RBFOX1: variants seen among roughly 807,000 people sequenced by gnomAD.
The protein encoded by RBFOX1 is RNA binding protein fox-1 homolog 1.
A neutral mutation model predicts 57.7 loss-of-function variants in RBFOX1; 8 were observed. The observed-to-expected ratio is 0.14, with a 90% CI of 0.08 to 0.25. The LOEUF (loss-of-function observed/expected upper bound fraction) is 0.25, where lower values mean the gene tolerates loss of function less well. Among genes scored for constraint, RBFOX1 ranks in the 10% least tolerant of loss-of-function variants. The pLI, the probability that RBFOX1 is intolerant of heterozygous loss-of-function variation, is 1.00. For missense variants in RBFOX1, 611 were observed against 548.5 expected (o/e 1.11, Z -1.14); for synonymous variants, 326 against 222.4 (o/e 1.47, Z -4.15).
chr16:7,457,432 G>GA (rs1198790577), intron 4 of RBFOX1, among the ~76,000 whole-genome samples: 3 of 152,180 alleles, frequency 2.0e-5, no homozygotes, highest in Non-Finnish European at 4.4e-5. Context: ...TGCGTGGATT[G>GA]AAAATCACAC....
chr16:5,644,375 C>T (rs1483963619), intron 3 of RBFOX1, among the ~76,000 whole-genome samples: 1 of 152,116 alleles, frequency 6.6e-6, no homozygotes, highest in Non-Finnish European at 1.5e-5. Context: ...GTGATTTTGG[C>T]CATTGTGCAA....
rs557675852 is a variant in RBFOX1 at position 5,811,460 on chromosome 16, T to G, written c.319-55843T>G. Among the ~76,000 whole-genome samples, 21 of 151,440 alleles carry G rather than the reference T, an allele frequency of 1.4e-4. No homozygotes were observed. In the South Asian group the frequency reaches 4.4e-3, roughly 32 times the overall value. The stretch of plus-strand genomic sequence containing the variant: ...ACCCAGCTGGAACAAAGTATTTTTT[T>G]TTTTTTTTTAAGATGGAATCTCATT... On this transcript the variant is annotated intron_variant, in intron 3 of 19. Coordinates refer to the RBFOX1 transcript ENST00000641259.
intron 3 of RBFOX1, among the ~76,000 whole-genome samples, chr16:6,980,305 T>G (rs571521457): frequency 1.3e-5 from 2 of 152,342 alleles, no homozygotes; most frequent in Admixed American, 6.5e-5. Context: ...CAATAGTTCT[T>G]CCGTTAAATA....
intron 3 of RBFOX1, among the ~76,000 whole-genome samples, chr16:5,637,545 A>C (rs1181457583): frequency 1.3e-5 from 2 of 152,246 alleles, no homozygotes; most frequent in Non-Finnish European, 2.9e-5. Flanking sequence ...TTGAACACCT[A>C]GTGTATCCTC....
At chr16:6,558,862 T>G (rs1158572319) in intron 2 of RBFOX1, among the ~76,000 whole-genome samples, 1 of 136,676 alleles carries the variant, frequency 7.3e-6, no homozygotes, top group Non-Finnish European at 1.5e-5. Flanking sequence ...ACCCAGCTCC[T>G]CCTGAGTGGG....
chr16:6,090,602 T>G (rs2096157123), intron 1 of RBFOX1, among the ~76,000 whole-genome samples: 2 of 152,230 alleles, frequency 1.3e-5, no homozygotes, highest in South Asian at 4.1e-4. Context: ...TCAATGAGTT[T>G]TGTTTCACAA....
intron 4 of RBFOX1, among the ~76,000 whole-genome samples, chr16:7,237,856 T>G (rs568643429): frequency 6.6e-6 from 1 of 152,206 alleles, no homozygotes; most frequent in African/African-American, 2.4e-5. Context: ...ATAGAAAAAT[T>G]AGCTGGACAT....
At chr16:6,117,879 C>A (rs565516684) in intron 1 of RBFOX1, among the ~76,000 whole-genome samples, 1 of 152,132 alleles carries the variant, frequency 6.6e-6, no homozygotes, top group Non-Finnish European at 1.5e-5. Context: ...AGTTTCCTTC[C>A]CACCACCATG....
chr16:6,238,090 CAA>C (rs368995420), intron 1 of RBFOX1, among the ~76,000 whole-genome samples: 7 of 66,056 alleles, frequency 1.1e-4, no homozygotes, highest in Admixed American at 3.1e-4. Context: ...GACTCTGTCT[CAA>C]AAAAAAAAAA....
chr16:5,913,074 C>T (rs940110605), intron 4 of RBFOX1, among the ~76,000 whole-genome samples: 3 of 152,318 alleles, frequency 2.0e-5, no homozygotes, highest in Non-Finnish European at 2.9e-5. Context: ...AGTCCCTTGA[C>T]ATTTCCAAGC....
chr16:5,841,785 C>G (rs993926466), intron 3 of RBFOX1, among the ~76,000 whole-genome samples: 2 of 152,194 alleles, frequency 1.3e-5, no homozygotes, highest in African/African-American at 4.8e-5. Context: ...GCCCAGTTCT[C>G]ATTTCAGCAT....
At chr16:6,792,048 C>T (rs115786398) in intron 3 of RBFOX1, among the ~76,000 whole-genome samples, 1,524 of 152,124 alleles carry the variant, frequency 0.01, 31 homozygotes, top group African/African-American at 0.035. Context: ...CCCTGAATTG[C>T]GTTTCACGAA....
At chr16:7,596,099 T>G (rs1208447656) in intron 8 of RBFOX1, among the ~76,000 whole-genome samples, 11 of 140,206 alleles carry the variant, frequency 7.8e-5, no homozygotes, top group African/African-American at 3.1e-4. Flanking sequence ...TGTTTGTTTT[T>G]TTTTGTTTGT....
At chr16:5,379,002 C>T (rs555623979) in intron 1 of RBFOX1, among the ~76,000 whole-genome samples, 6 of 151,632 alleles carry the variant, frequency 4.0e-5, no homozygotes, top group African/African-American at 1.5e-4. Flanking sequence ...GGGCTCAGGA[C>T]CCCTCACAGT....
intron 4 of RBFOX1, among the ~76,000 whole-genome samples, chr16:5,974,163 G>A (rs1033268770): frequency 1.3e-5 from 2 of 152,114 alleles, no homozygotes; most frequent in Non-Finnish European, 2.9e-5. Context: ...GTTCTACCTC[G>A]GATGCACAGC....
At chr16:5,722,991 G>T (rs1373635549) in intron 3 of RBFOX1, among the ~76,000 whole-genome samples, 4 of 152,058 alleles carry the variant, frequency 2.6e-5, no homozygotes, top group African/African-American at 7.2e-5. Flanking sequence ...TGCCATATTC[G>T]CATACTTAGG....
At chr16:6,832,762 G>A (rs770817120) in intron 3 of RBFOX1, among the ~76,000 whole-genome samples, 33 of 152,126 alleles carry the variant, frequency 2.2e-4, no homozygotes, top group Non-Finnish European at 4.6e-4. Flanking sequence ...GTCCCTACCT[G>A]TTTGAGCTGC....
chr16:5,762,452 G>A lies in RBFOX1; in HGVS notation c.319-104851G>A, dbSNP rs75447930. On this transcript the variant is annotated intron_variant, in intron 3 of 19. Transcript: ENST00000641259. ...CATACCAGGCTGGTAGAAATACAAC[G>A]TGGAACAACCTTTTGTGGGGCAGTT... Among the ~76,000 whole-genome samples, 1,172 of 152,072 alleles carry A rather than the reference G, an allele frequency of 7.7e-3. 20 individuals carry two copies. The highest frequency in any genetic ancestry group is 0.027 in the African/African-American group (1,107 of 41,482).
chr16:7,268,177 A>G (rs999333902), intron 4 of RBFOX1, among the ~76,000 whole-genome samples: 1 of 152,208 alleles, frequency 6.6e-6, no homozygotes, highest in Non-Finnish European at 1.5e-5. Context: ...TACTGTAAAA[A>G]TACTGCATTA....
Sources: gnomAD v4.1 joint callset for allele counts (sites outside exome capture counted in the v4.1 genomes callset) on GRCh38, gnomAD v4.1.1 for gene constraint, MANE v1.5 for transcripts, NCBI Gene and HGNC (gene_info 2026-07-23, HGNC 2026-07-21) for gene names.